SMARCA2: variants seen among roughly 807,000 people sequenced by gnomAD.
SMARCA2 encodes the protein SWI/SNF-related matrix-associated actin-dependent regulator of chromatin subfamily A member 2.
SMARCA2 carries 61 observed loss-of-function variants against 199.8 expected under a neutral mutation model. That is an observed-to-expected ratio of 0.31 (90% CI 0.25 to 0.38). The LOEUF (loss-of-function observed/expected upper bound fraction) is 0.38, where lower values mean the gene tolerates loss of function less well. SMARCA2 is among the 10% of genes least tolerant of loss of function. The pLI is 1.00. For missense variants in SMARCA2, 1,344 were observed against 2,012.2 expected (o/e 0.67, Z 6.35); for synonymous variants, 935 against 732.0 (o/e 1.28, Z -4.48).
intron 9 of SMARCA2, among the ~76,000 whole-genome samples, chr9:2,063,175 G>A (rs1056620561): frequency 3.3e-5 from 5 of 152,120 alleles, no homozygotes; most frequent in African/African-American, 1.2e-4. Flanking sequence ...GGGAGAAGTG[G>A]GACAAAGAAG....
At chr9:2,175,005 A>ACGT (rs556419056) in intron 29 of SMARCA2, among the ~76,000 whole-genome samples, 72 of 150,186 alleles carry the variant, frequency 4.8e-4, no homozygotes, top group African/African-American at 1.7e-3. Flanking sequence ...GTGGAAGGGA[A>ACGT]CGTGTGGGTT....
intron 32 of SMARCA2, among the ~76,000 whole-genome samples, chr9:2,186,872 A>C (rs915186267): frequency 6.6e-6 from 1 of 152,066 alleles, no homozygotes; most frequent in Non-Finnish European, 1.5e-5. Context: ...CCTACTACAC[A>C]TTTTCTACAA....
chr9:2,048,641 A>G (rs773566744), intron 5 of SMARCA2, among the ~76,000 whole-genome samples: 54 of 152,360 alleles, frequency 3.5e-4, no homozygotes, highest in Non-Finnish European at 5.4e-4. Flanking sequence ...GAAAGAAATC[A>G]GAATAACTTG....
intron 31 of SMARCA2, among the ~76,000 whole-genome samples, chr9:2,183,794 G>T (rs1189505837): frequency 1.3e-5 from 2 of 152,188 alleles, no homozygotes; most frequent in Non-Finnish European, 2.9e-5. Context: ...CCAGGACATA[G>T]AAAGTAGAAG....
At chr9:2,140,192 AT>A (rs1269706843) in intron 27 of SMARCA2, among the ~76,000 whole-genome samples, 1 of 152,224 alleles carries the variant, frequency 6.6e-6, no homozygotes, top group African/African-American at 2.4e-5. Flanking sequence ...AATCCCCTGC[AT>A]ACTGTCTAGA....
intron 33 of SMARCA2, chr9:2,192,478 G>T (rs1563850065): frequency 1.2e-5 from 7 of 570,510 alleles, no homozygotes; most frequent in Non-Finnish European, 2.2e-5. Context: ...ACAAACAATA[G>T]CTTAGAGGGT....
At chr9:2,157,690 C>G (rs115767108) in intron 27 of SMARCA2, 40 of 381,458 alleles carry the variant, frequency 1.0e-4, no homozygotes, top group African/African-American at 8.1e-4. Context: ...CTTGGAGAGG[C>G]GGAGGTGGAA....
At position 2,020,746 on chromosome 9, in the gene SMARCA2, C is replaced by T. The variant is rs1020244237; in HGVS notation, c.-37+5342C>T. On this transcript the variant is annotated intron_variant, in intron 1 of 33. Coordinates refer to ENST00000349721, the MANE Select transcript of SMARCA2 (RefSeq NM_003070.5). ...GTAGTAAAAGTTATAAATATATCGT[C>T]AAAGATGCTTGAATAATTGTACCTC... 3.3e-5 allele frequency among the ~76,000 whole-genome samples: 5 copies of T among 152,188 alleles called. No homozygotes were observed. In the South Asian group the frequency reaches 8.3e-4, roughly 25 times the overall value.
Position 2,169,827 on chromosome 9 carries a change from G to T in SMARCA2, c.4200-592G>T, listed in dbSNP as rs972523513. On this transcript the variant is annotated intron_variant, in intron 28 of 33. Transcript: ENST00000349721. The surrounding 1 kb of genome is among the most constrained non-coding windows in gnomAD (Gnocchi z 6.5). The stretch of plus-strand genomic sequence containing the variant: ...TGTAGAAGTGCCCAAGACGCCAGGT[G>T]GTGGTTTATTTTCATTTCCCACTAA... Among the ~76,000 whole-genome samples the T allele has an allele frequency of 6.6e-6, 1 of 152,140 alleles. No homozygotes were observed. The highest frequency in any genetic ancestry group is 1.5e-5 in the Non-Finnish European group (1 of 68,020).
At chr9:2,067,924 T>A (rs914991437) in intron 9 of SMARCA2, among the ~76,000 whole-genome samples, 2 of 152,240 alleles carry the variant, frequency 1.3e-5, no homozygotes, top group Non-Finnish European at 2.9e-5. Context: ...TATATTAATA[T>A]ATGATGCTTC....
At chr9:2,072,009 T>C (rs181789452) in intron 10 of SMARCA2, 1 of 152,312 alleles carries the variant, frequency 6.6e-6, no homozygotes, top group East Asian at 1.9e-4. Flanking sequence ...TAATTGCTAA[T>C]ATATTGTTTC....
In SMARCA2 at chr9:2,170,915, G is replaced by A. The variant is rs752576265; in HGVS notation, c.4253+443G>A. ...GACATGAAGAAGCGTGCATGTTCAC[G>A]CTGTGTCTGCATTCCAGAGTTGATC... On this transcript the variant is annotated intron_variant, in intron 29 of 33. Coordinates refer to ENST00000349721, the MANE Select transcript of SMARCA2 (RefSeq NM_003070.5). This position sits in a 1 kb window ranked among gnomAD's most constrained non-coding sequence, Gnocchi z 4.7. Among the ~76,000 whole-genome samples, 9 of 152,200 alleles carry A rather than the reference G, an allele frequency of 5.9e-5. No homozygotes were observed. The highest frequency in any genetic ancestry group is 1.9e-4 in the East Asian group (1 of 5,194).
Position 2,015,370 on chromosome 9 carries a change from G to T in SMARCA2, c.-71G>T, listed in dbSNP as rs922782135. Reference sequence around the variant, plus strand: ...CTGTACTCTGGGTGACTCAGAGAGGGAAGAGATTCAGCCAGCACACTCCTC... The same window carrying T: ...CTGTACTCTGGGTGACTCAGAGAGGTAAGAGATTCAGCCAGCACACTCCTC... On this transcript the variant is annotated 5_prime_UTR_variant, in exon 1 of 34. Transcript: ENST00000349721. 5 of 152,346 alleles carry T rather than the reference G, an allele frequency of 3.3e-5. No individual in the cohort carries two copies. Among genetic ancestry groups the T allele is most frequent in the African/African-American group, 1.2e-4 (5 of 41,474 alleles). The allele number at this position is 152,346 out of a possible 1,614,324, so 9.4% of individuals were successfully genotyped here. A position where few individuals can be genotyped will look rare whatever the true frequency, so the allele number is the denominator to read the frequency against.
intron 3 of SMARCA2, among the ~76,000 whole-genome samples, chr9:2,036,566 T>C (rs994136857): frequency 6.6e-6 from 1 of 152,318 alleles, no homozygotes; most frequent in South Asian, 2.1e-4. Context: ...CATGTAGAAA[T>C]AAAAATCTCT....
rs1023778608 is a variant in SMARCA2, at chr9:2,169,410, C to T, written c.4200-1009C>T. Among the ~76,000 whole-genome samples, 1 of 151,704 alleles carries T rather than the reference C, an allele frequency of 6.6e-6. No homozygotes were observed. Among genetic ancestry groups the T allele is most frequent in the Non-Finnish European group, 1.5e-5 (1 of 68,028 alleles). ...TCTTCCACAGTCTGAACCTTCGGAT[C>T]TTCCCAACTTTTTTTTTCCAACGCA... On this transcript the variant is annotated intron_variant, in intron 28 of 33. Coordinates refer to ENST00000349721, the MANE Select transcript of SMARCA2 (RefSeq NM_003070.5). This position sits in a 1 kb window ranked among gnomAD's most constrained non-coding sequence, Gnocchi z 6.5.
At chr9:2,042,417 T>G (rs972076522) in intron 4 of SMARCA2, 1 of 152,238 alleles carries the variant, frequency 6.6e-6, no homozygotes, top group Non-Finnish European at 1.5e-5. Context: ...TTGGTATTTT[T>G]AAGAACGAGC....
chr9:2,153,609 A>T (rs1021567615), intron 27 of SMARCA2, among the ~76,000 whole-genome samples: 2 of 152,212 alleles, frequency 1.3e-5, no homozygotes, highest in African/African-American at 4.8e-5. Context: ...TTAATGCTCA[A>T]TGTTTTTAAT....
At chr9:2,053,044 C>A (rs1320699831) in intron 5 of SMARCA2, among the ~76,000 whole-genome samples, 2 of 152,250 alleles carry the variant, frequency 1.3e-5, no homozygotes, top group East Asian at 3.9e-4. Context: ...TTGCATGATG[C>A]TGAGGTTTGG....
At chr9:2,089,178 A>G (rs1163874228) in intron 19 of SMARCA2, among the ~76,000 whole-genome samples, 1 of 152,208 alleles carries the variant, frequency 6.6e-6, no homozygotes, top group East Asian at 1.9e-4. Flanking sequence ...GAACATTTTA[A>G]GCCAGTATTT....
Sources: allele counts gnomAD v4.1 joint callset (sites outside exome capture counted in the v4.1 genomes callset), GRCh38; gene constraint gnomAD v4.1.1; non-coding constraint Gnocchi (gnomAD v3.1); transcripts MANE v1.5; gene names NCBI Gene and HGNC (gene_info 2026-07-23, HGNC 2026-07-21).